PSD3: variants seen among roughly 807,000 people sequenced by gnomAD.
The protein encoded by PSD3 is PH and SEC7 domain-containing protein 3.
A neutral mutation model predicts 105.5 loss-of-function variants in PSD3; 49 were observed. That is an observed-to-expected ratio of 0.46 (90% confidence interval 0.37 to 0.59). The LOEUF (loss-of-function observed/expected upper bound fraction) is 0.59, where lower values mean the gene tolerates loss of function less well. Among genes scored for constraint, PSD3 ranks in the 20% least tolerant of loss-of-function variants. The probability of loss-of-function intolerance (pLI) is 0.00; values close to 1 mark genes in which losing one functional copy is unlikely to be tolerated. For missense variants in PSD3, 1,561 were observed against 1,263.8 expected (o/e 1.24, Z -3.57); for synonymous variants, 557 against 457.8 (o/e 1.22, Z -2.77).
At chr8:18,613,828 A>C (rs1805454727) in intron 11 of PSD3, among the ~76,000 whole-genome samples, 1 of 152,162 alleles carries the variant, frequency 6.6e-6, no homozygotes, top group Non-Finnish European at 1.5e-5. Context: ...TAACCACCAC[A>C]ACCATGATAT....
chr8:18,776,186 T>C (rs1274063726), intron 8 of PSD3, among the ~76,000 whole-genome samples: 1 of 150,942 alleles, frequency 6.6e-6, no homozygotes, highest in African/African-American at 2.4e-5. Context: ...TTCTCTATTC[T>C]GTTCCACTGA....
intron 2 of PSD3, among the ~76,000 whole-genome samples, chr8:18,879,043 CACACACAA>C (rs562089806): frequency 5.9e-5 from 8 of 136,508 alleles, no homozygotes; most frequent in African/African-American, 2.0e-4. Context: ...AACAAACACA[CACACACAA>C]ACACACACAC....
intron 12 of PSD3, among the ~76,000 whole-genome samples, chr8:18,580,923 A>C (rs116753333): frequency 2.2e-3 from 332 of 152,278 alleles, no homozygotes; most frequent in African/African-American, 7.6e-3. Flanking sequence ...CATTCCATCA[A>C]TCATCTCTAG....
At chr8:18,777,201 C>T (rs941818522) in intron 8 of PSD3, among the ~76,000 whole-genome samples, 11 of 152,012 alleles carry the variant, frequency 7.2e-5, no homozygotes, top group Non-Finnish European at 1.3e-4. Flanking sequence ...CACCACCACG[C>T]CCAGCTAATT....
chr8:18,840,980 A>C (rs1036763818), intron 4 of PSD3, among the ~76,000 whole-genome samples: 5 of 152,202 alleles, frequency 3.3e-5, no homozygotes, highest in African/African-American at 1.2e-4. Flanking sequence ...CTAAAATTCT[A>C]CTACAGTCTA....
intron 11 of PSD3, among the ~76,000 whole-genome samples, chr8:18,616,618 CTTTTCTTTTCT>C (rs1805690108): frequency 1.4e-5 from 1 of 72,314 alleles, no homozygotes; most frequent in Admixed American, 1.5e-4. Flanking sequence ...ATCTTCCTCT[CTTTTCTTTTCT>C]TTTTTTTTTT....
intron 1 of PSD3, among the ~76,000 whole-genome samples, chr8:19,050,299 T>A (rs907009854): frequency 3.3e-5 from 4 of 122,308 alleles, no homozygotes; most frequent in African/African-American, 1.0e-4. Context: ...TCTACGCCCA[T>A]GCCCATATCC....
chr8:18,759,677 T>A (rs182472149), intron 9 of PSD3, among the ~76,000 whole-genome samples: 1 of 152,050 alleles, frequency 6.6e-6, no homozygotes, highest in African/African-American at 2.4e-5. Context: ...TAGAAAACAA[T>A]TGGGTTCATG....
In PSD3 at chr8:18,535,767, T is replaced by C; in HGVS notation, c.3120A>G (p.Pro1040=). The C allele has an allele frequency of 6.2e-7, 1 of 1,613,848 alleles. No homozygotes were observed. Among genetic ancestry groups the C allele is most frequent in the Non-Finnish European group, 8.5e-7 (1 of 1,179,720 alleles). Residue 1040 remains proline, a synonymous_variant, in exon 16 of 16, where the codon CCA becomes CCG. Transcript: ENST00000327040. ...TCTAAGTAACTTTTTGCTTAATGCT[T>C]GGTGTTTCAGGTCGGTGATCCTTCC... ...SERKDHRPET[P]SIKQKVT
Position 18,801,280 on chromosome 8 carries a change from A to C in PSD3, c.2013T>G (p.Ile671Met). Residue 671 changes from isoleucine to methionine, a missense_variant, in exon 7 of 16, where the codon ATT (isoleucine) becomes ATG (methionine). Transcript: ENST00000327040. Reference sequence around the variant, plus strand: ...TTTGTATCAGATTACCTTGTGAAGCAATGGTATCTGGGTTACAATAAAAAT... The same window carrying C: ...TTTGTATCAGATTACCTTGTGAAGCCATGGTATCTGGGTTACAATAAAAAT... ...NRYFYCNPDT[I>M]ASQDGVHCLT... 1 of 1,568,360 alleles carries C rather than the reference A, an allele frequency of 6.4e-7. No individual in the cohort carries two copies.
chr8:18,573,620 A>G (rs562935294), intron 13 of PSD3, among the ~76,000 whole-genome samples: 27 of 152,364 alleles, frequency 1.8e-4, no homozygotes, highest in Admixed American at 9.8e-4. Flanking sequence ...ATTTAGCAAT[A>G]AAGTACTGAC....
chr8:19,011,656 G>A (rs1826955065), intron 1 of PSD3, among the ~76,000 whole-genome samples: 1 of 151,820 alleles, frequency 6.6e-6, no homozygotes, highest in African/African-American at 2.4e-5. Flanking sequence ...TAAGTGCAAT[G>A]TACATAATAA....
intron 2 of PSD3, among the ~76,000 whole-genome samples, chr8:18,926,742 T>C (rs996831820): frequency 2.0e-5 from 3 of 152,202 alleles, no homozygotes; most frequent in Non-Finnish European, 4.4e-5. Context: ...TCTCCACACA[T>C]GAAGCAAGCA....
At chr8:18,592,843 G>A (rs1023201001) in intron 12 of PSD3, among the ~76,000 whole-genome samples, 2 of 152,114 alleles carry the variant, frequency 1.3e-5, no homozygotes, top group African/African-American at 4.8e-5. Context: ...TCTGATCTTT[G>A]ACAAACCTGA....
intron 4 of PSD3, among the ~76,000 whole-genome samples, chr8:18,808,538 C>A (rs1426540320): frequency 6.6e-6 from 1 of 152,182 alleles, no homozygotes; most frequent in Admixed American, 6.5e-5. Flanking sequence ...CTCACATTCA[C>A]CAAAACCATA....
intron 1 of PSD3, among the ~76,000 whole-genome samples, chr8:18,949,248 T>TATATATATATATATATATATATACAC (rs1823080927): frequency 9.1e-5 from 4 of 44,094 alleles, no homozygotes; most frequent in African/African-American, 3.2e-4. Context: ...AAAAAAAATA[T>TATATATATATATATATATATATACAC]ATATATATAT....
chr8:18,938,419 C>T (rs1468591084), intron 1 of PSD3, among the ~76,000 whole-genome samples: 1 of 151,742 alleles, frequency 6.6e-6, no homozygotes, highest in African/African-American at 2.4e-5. Context: ...GTCAGGAGTT[C>T]GAGACCAGCC....
chr8:18,897,766 T>G (rs1586360454), intron 2 of PSD3, among the ~76,000 whole-genome samples: 1 of 152,176 alleles, frequency 6.6e-6, no homozygotes, highest in Non-Finnish European at 1.5e-5. Context: ...TTGTAGCTAC[T>G]GTACCTGCAA....
At chr8:18,624,659 A>T (rs956650192) in intron 11 of PSD3, among the ~76,000 whole-genome samples, 1 of 149,672 alleles carries the variant, frequency 6.7e-6, no homozygotes, top group Non-Finnish European at 1.5e-5. Context: ...CACATTGTGC[A>T]CATGTACCCT....
Sources: gnomAD v4.1 joint callset for allele counts (sites outside exome capture counted in the v4.1 genomes callset) on GRCh38, gnomAD v4.1.1 for gene constraint, MANE v1.5 for transcripts, NCBI Gene and HGNC (gene_info 2026-07-23, HGNC 2026-07-21) for gene names.